The following BTBD9 variants were observed in gnomAD, a reference collection of about 807,000 sequenced individuals.
BTBD9 encodes BTB/POZ domain-containing protein 9.
In BTBD9, 49 loss-of-function variants were observed where a neutral mutation model predicts 64.3. The observed-to-expected ratio is 0.76, with a 90% CI of 0.61 to 0.97. BTBD9 has a LOEUF of 0.97. Ranked by LOEUF, BTBD9 falls within the 50% of genes least tolerant of loss-of-function variation. The probability of loss-of-function intolerance (pLI) is 0.00; values close to 1 mark genes in which losing one functional copy is unlikely to be tolerated. For synonymous variants in BTBD9, 260 were observed against 274.7 expected, an observed-to-expected ratio of 0.95 and a Z score of 0.53; for missense variants, 598 against 762.1, an observed-to-expected ratio of 0.78 and a Z score of 2.53.
intron 6 of BTBD9, among the ~76,000 whole-genome samples, chr6:38,506,669 T>C (rs745604459): frequency 5.3e-5 from 8 of 152,208 alleles, no homozygotes; most frequent in Admixed American, 4.6e-4. Context: ...TCCACCTCCA[T>C]TGCCACCAGC....
intron 7 of BTBD9, among the ~76,000 whole-genome samples, chr6:38,329,692 C>T (rs79932060): frequency 0.19 from 28,264 of 151,964 alleles, 2,818 homozygotes; most frequent in African/African-American, 0.24. Context: ...CAGTGGCTCA[C>T]GCATGTAATC....
intron 6 of BTBD9, among the ~76,000 whole-genome samples, chr6:38,421,470 T>A (rs553941531): frequency 1.3e-5 from 2 of 152,386 alleles, no homozygotes; most frequent in East Asian, 3.9e-4. Flanking sequence ...TCAAAATTTT[T>A]ATCTACTAAT....
chr6:38,351,211 G>C (rs1764491912), intron 6 of BTBD9, among the ~76,000 whole-genome samples: 1 of 152,212 alleles, frequency 6.6e-6, no homozygotes. Context: ...AGCAGCATTT[G>C]CTTGTTTGGG....
chr6:38,393,828 T>C (rs977536079), intron 6 of BTBD9, among the ~76,000 whole-genome samples: 2 of 152,154 alleles, frequency 1.3e-5, no homozygotes, highest in African/African-American at 4.8e-5. Flanking sequence ...CAGATGGAGA[T>C]GTGGAGCATC....
chr6:38,366,630 T>C (rs913152658), intron 6 of BTBD9, among the ~76,000 whole-genome samples: 2 of 152,222 alleles, frequency 1.3e-5, no homozygotes, highest in Non-Finnish European at 2.9e-5. Flanking sequence ...ACGAAATATT[T>C]TGGAAGCTGC....
chr6:38,175,744 T>C (rs1000839326), intron 10 of BTBD9, among the ~76,000 whole-genome samples: 13 of 152,200 alleles, frequency 8.5e-5, no homozygotes, highest in Non-Finnish European at 1.9e-4. Flanking sequence ...TGCATGTGAA[T>C]GTGTGTGAGC....
chr6:38,207,306 T>C, intron 9 of BTBD9: 1 of 252,980 alleles, frequency 4.0e-6, no homozygotes, highest in Non-Finnish European at 8.5e-6. Flanking sequence ...ATTAGCTGAA[T>C]CCAGAGTTGA....
At chr6:38,500,211 T>C (rs532406637) in intron 6 of BTBD9, among the ~76,000 whole-genome samples, 51 of 150,120 alleles carry the variant, frequency 3.4e-4, no homozygotes, top group South Asian at 1.3e-3. Flanking sequence ...TAACAAATTG[T>C]ATTTTCCACA....
intron 6 of BTBD9, among the ~76,000 whole-genome samples, chr6:38,535,561 A>G (rs1773988498): frequency 6.6e-6 from 1 of 152,108 alleles, no homozygotes; most frequent in Admixed American, 6.6e-5. Flanking sequence ...TATCCTAAGC[A>G]AAGAGGACAC....
intron 6 of BTBD9, among the ~76,000 whole-genome samples, chr6:38,455,669 G>A (rs1440328539): frequency 5.3e-5 from 8 of 152,150 alleles, no homozygotes; most frequent in Admixed American, 5.2e-4. Context: ...ATGGATTGAA[G>A]GGGTATTTCA....
chr6:38,572,171 GCTT>G (rs1775800777), intron 6 of BTBD9, among the ~76,000 whole-genome samples: 1 of 152,024 alleles, frequency 6.6e-6, no homozygotes, highest in African/African-American at 2.4e-5. Context: ...TATGTGATGT[GCTT>G]ATTATTTGTT....
chr6:38,306,536 T>C (rs931753560), intron 7 of BTBD9, among the ~76,000 whole-genome samples: 2 of 152,352 alleles, frequency 1.3e-5, no homozygotes, highest in Non-Finnish European at 2.9e-5. Flanking sequence ...AGTGTATGAA[T>C]ATTGGAATGA....
Position 38,449,294 on chromosome 6 carries a change from C to T in BTBD9, c.1155-104201G>A, listed in dbSNP as rs148705597. 1.2e-4 allele frequency among the ~76,000 whole-genome samples: 19 copies of T among 152,268 alleles called. No homozygotes were observed. The East Asian group carries it at 3.5e-3, about 28-fold the overall frequency. ...AATAGTCTGCCTCAAAAGACAGAGT[C>T]TCACCTGGAATAGACAAAGCAATCT... On this transcript the variant is annotated intron_variant, in intron 6 of 10. Coordinates refer to ENST00000481247, the MANE Select transcript of BTBD9 (RefSeq NM_001099272.2).
chr6:38,275,833 A>T (rs1761214232), intron 8 of BTBD9, among the ~76,000 whole-genome samples: 1 of 152,106 alleles, frequency 6.6e-6, no homozygotes, highest in African/African-American at 2.4e-5. Flanking sequence ...GCGATCATTA[A>T]AAAGCCAGGA....
At chr6:38,525,440 T>C (rs1016812099) in intron 6 of BTBD9, among the ~76,000 whole-genome samples, 6 of 152,120 alleles carry the variant, frequency 3.9e-5, no homozygotes, top group African/African-American at 1.2e-4. Flanking sequence ...AAACAGTTAA[T>C]TGGTACCAAG....
At position 38,359,629 on chromosome 6, in the gene BTBD9, G is replaced by A. The variant is rs1348237680; in HGVS notation, c.1155-14536C>T. On this transcript the variant is annotated intron_variant, in intron 6 of 10. Coordinates refer to ENST00000481247, the MANE Select transcript of BTBD9 (RefSeq NM_001099272.2). ...TACACAGGGGCTGATAATTCAGTAT[G>A]TGCATTACTCAGGCTCTCCCTTCCC... is the stretch of plus-strand genomic sequence containing the variant. Among the ~76,000 whole-genome samples the A allele has an allele frequency of 2.0e-5, 3 of 152,170 alleles. No individual in the cohort carries two copies. In the East Asian group the frequency reaches 5.8e-4, roughly 29 times the overall value.
intron 6 of BTBD9, among the ~76,000 whole-genome samples, chr6:38,450,394 A>C (rs1417314535): frequency 3.9e-5 from 6 of 152,184 alleles, no homozygotes; most frequent in Non-Finnish European, 8.8e-5. Context: ...TTCTTGAAAA[A>C]CGCTGAGAGA....
In BTBD9 at chr6:38,334,527, C is replaced by A. The variant is rs557795753; in HGVS notation, c.1264+10457G>T. 9.2e-5 allele frequency among the ~76,000 whole-genome samples: 14 copies of A among 151,912 alleles called. No individual in the cohort carries two copies. The East Asian group carries it at 2.5e-3, about 27-fold the overall frequency. On this transcript the variant is annotated intron_variant, in intron 7 of 10. Coordinates refer to ENST00000481247, the MANE Select transcript of BTBD9 (RefSeq NM_001099272.2). ...GTCAGCGGAGGTTGTAGTGGTTGCA[C>A]CACTGCACTCCAGCCTGGGTGACAG...
In BTBD9 at chr6:38,516,286, T is replaced by TA. The variant is rs200916905; in HGVS notation, c.1154+61313dup. Among the ~76,000 whole-genome samples the TA allele has an allele frequency of 2.4e-3, 346 of 146,382 alleles. 4 individuals are homozygous for TA. The highest frequency in any genetic ancestry group is 0.018 in the East Asian group (90 of 5,088). Reference sequence around the variant, plus strand: ...AAATAAGTCAGCCATTCCATGAATTTAAAAAAAAAAAGAAGGGTTCAACTA... The same window carrying TA: ...AAATAAGTCAGCCATTCCATGAATTTAAAAAAAAAAAAGAAGGGTTCAACTA... On this transcript the variant is annotated intron_variant, in intron 6 of 10. Coordinates refer to ENST00000481247, the MANE Select transcript of BTBD9 (RefSeq NM_001099272.2).
Sources: gnomAD v4.1 joint callset for allele counts (sites outside exome capture counted in the v4.1 genomes callset) on GRCh38, gnomAD v4.1.1 for gene constraint, MANE v1.5 for transcripts, NCBI Gene and HGNC (gene_info 2026-07-23, HGNC 2026-07-21) for gene names.